Variants in BIRC2 observed in about 807,000 individuals in gnomAD.
BIRC2 encodes the protein baculoviral IAP repeat containing 2, also known as baculoviral IAP repeat-containing protein 2.
Under a neutral mutation model 60.9 loss-of-function variants are expected in BIRC2, and 18 were observed. That is an observed-to-expected ratio of 0.30 (90% CI 0.20 to 0.44). The LOEUF (loss-of-function observed/expected upper bound fraction) is 0.44. BIRC2 is among the 20% of genes least tolerant of loss of function. BIRC2 has a pLI of 1.00. For synonymous variants in BIRC2, 282 were observed against 247.7 expected, an observed-to-expected ratio of 1.14 and a Z score of -1.30; for missense variants, 701 against 728.5, an observed-to-expected ratio of 0.96 and a Z score of 0.43.
intron 5 of BIRC2, 120 bp from the exon 6 acceptor site, chr11:102,368,186 A>G (rs1372562988): frequency 2.6e-6 from 3 of 1,161,924 alleles, no homozygotes; most frequent in Non-Finnish European, 3.6e-6. Context: ...ATCGATGCAT[A>G]TAGCTCATCT....
chr11:102,352,690 G>C (rs1342539119), intron 3 of BIRC2, among the ~76,000 whole-genome samples: 3 of 150,924 alleles, frequency 2.0e-5, no homozygotes, highest in South Asian at 4.2e-4. Context: ...CTTTGCCTCC[G>C]AAAGTGCTGG....
chr11:102,355,649 T>TA (rs998078298), intron 3 of BIRC2, among the ~76,000 whole-genome samples: 3 of 152,188 alleles, frequency 2.0e-5, no homozygotes, highest in East Asian at 1.9e-4. Flanking sequence ...ATTTCTGTGA[T>TA]AAAAAAGTCA....
At position 102,377,660 on chromosome 11, in the gene BIRC2, G is replaced by A. The variant is rs1218978266; in HGVS notation, c.1531G>A (p.Asp511Asn). 2 of 1,611,146 alleles carry A rather than the reference G, an allele frequency of 1.2e-6. No homozygotes were observed. Among genetic ancestry groups the A allele is most frequent in the Non-Finnish European group, 8.5e-7 (1 of 1,179,260 alleles). ...ACCTTTACAAGCGAGAGAACTGATT[G>A]ATACCATTTTGGTTAAAGGAAATGC... is the stretch of plus-strand genomic sequence containing the variant. ...QIPLQARELI[D>N]TILVKGNAAA... The change falls in exon 7 of 9, where the codon GAT becomes AAT. Residue 511 changes from aspartate (D) to asparagine (N), a missense_variant. Physicochemically the swap from Asp to Asn is conservative, Grantham distance 23. This residue lies in a region of BIRC2 where 235 missense variants were observed against 208.9 expected (regional missense o/e 1.12). Coordinates refer to ENST00000227758, the MANE Select transcript of BIRC2 (RefSeq NM_001166.5).
In BIRC2 at chr11:102,368,382, G is replaced by A. The variant is rs764631560; in HGVS notation, c.1200G>A (p.Leu400=). 1 of 1,613,934 alleles carries A rather than the reference G, an allele frequency of 6.2e-7. No individual in the cohort carries two copies. Among genetic ancestry groups the A allele is most frequent in the Non-Finnish European group, 8.5e-7 (1 of 1,179,964 alleles). Residue 400 remains leucine, a synonymous_variant, in exon 6 of 9, where the codon TTG becomes TTA. Coordinates refer to ENST00000227758, the MANE Select transcript of BIRC2 (RefSeq NM_001166.5). The stretch of plus-strand genomic sequence containing the variant: ...ATACACCTGTGGTTAAATCTGCCTT[G>A]GAAATGGGCTTTAATAGAGACCTGG... ...MMNTPVVKSA[L]EMGFNRDLVK...
chr11:102,365,013 C>A (rs1174688856), intron 5 of BIRC2, among the ~76,000 whole-genome samples: 1 of 152,188 alleles, frequency 6.6e-6, no homozygotes, highest in Non-Finnish European at 1.5e-5. Flanking sequence ...TTCTAACACT[C>A]TCTTCCCACC....
chr11:102,352,339 C>A (rs1419617638), intron 3 of BIRC2, among the ~76,000 whole-genome samples: 2 of 152,100 alleles, frequency 1.3e-5, no homozygotes, highest in African/African-American at 4.8e-5. Flanking sequence ...TGGTCTCGAT[C>A]TCCTGACCTC....
At chr11:102,361,307 A>G (rs1444824683) in intron 3 of BIRC2, among the ~76,000 whole-genome samples, 1 of 152,136 alleles carries the variant, frequency 6.6e-6, no homozygotes, top group Admixed American at 6.5e-5. Flanking sequence ...TGCGGAGTGC[A>G]GGTGTGCAGA....
intron 6 of BIRC2, among the ~76,000 whole-genome samples, chr11:102,376,333 A>C (rs1951713952): frequency 6.6e-6 from 1 of 152,214 alleles, no homozygotes; most frequent in South Asian, 2.1e-4. Context: ...TGACATGGAG[A>C]TCTTGAAAAG....
intron 6 of BIRC2, among the ~76,000 whole-genome samples, chr11:102,372,307 A>G (rs1257480731): frequency 1.3e-5 from 2 of 152,036 alleles, no homozygotes; most frequent in Non-Finnish European, 2.9e-5. Context: ...AGGGCATTTA[A>G]TGCTATAAAT....
intron 6 of BIRC2, 95 bp from the exon 7 acceptor site, chr11:102,377,401 C>A: frequency 1.8e-6 from 2 of 1,102,284 alleles, no homozygotes; most frequent in Non-Finnish European, 2.5e-6. Context: ...TTATTTAGTG[C>A]CTAAATTGTT....
At chr11:102,352,568 G>T (rs893222336) in intron 3 of BIRC2, among the ~76,000 whole-genome samples, 1 of 152,104 alleles carries the variant, frequency 6.6e-6, no homozygotes, top group Non-Finnish European at 1.5e-5. Flanking sequence ...CTGCCACCAT[G>T]CCTGGTTAAT....
chr11:102,351,325 C>T (rs1461165861), intron 3 of BIRC2, among the ~76,000 whole-genome samples: 1 of 152,114 alleles, frequency 6.6e-6, no homozygotes, highest in African/African-American at 2.4e-5. Context: ...GTATTAAGAG[C>T]ATATCTTAGA....
intron 6 of BIRC2, among the ~76,000 whole-genome samples, chr11:102,376,520 T>C (rs1005419051): frequency 1.3e-5 from 2 of 152,216 alleles, no homozygotes; most frequent in African/African-American, 2.4e-5. Flanking sequence ...ACTGGTACTT[T>C]GTAGAGATGT....
chr11:102,359,042 C>T (rs1951455207), intron 3 of BIRC2, among the ~76,000 whole-genome samples: 1 of 152,168 alleles, frequency 6.6e-6, no homozygotes, highest in African/African-American at 2.4e-5. Flanking sequence ...TTCTTCCTCT[C>T]TTGCTGTCTT....
chr11:102,364,170 T>TATATATATATATATATAC (rs1951522203), intron 5 of BIRC2, among the ~76,000 whole-genome samples: 1 of 88,686 alleles, frequency 1.1e-5, no homozygotes, highest in Non-Finnish European at 2.2e-5. Flanking sequence ...TATATATATA[T>TATATATATATATATATAC]ATATACACAC....
In BIRC2 at chr11:102,350,719, C is replaced by G. The variant is rs1430965097; in HGVS notation, c.865C>G (p.Gln289Glu). The change falls in exon 2 of 9, where the codon CAG becomes GAG. Residue 289 changes from glutamine (Q) to glutamate (E), a missense_variant. This residue lies in a region of BIRC2 where 375 missense variants were observed against 365.9 expected (regional missense o/e 1.02). Transcript: ENST00000227758. ...WPSSVPVQPE[Q>E]LASAGFYYVG... Reference sequence around the variant, plus strand: ...ATCTAGTGTTCCAGTTCAGCCTGAGCAGCTTGCAAGTGCTGGTTTTTATTA... The same window carrying G: ...ATCTAGTGTTCCAGTTCAGCCTGAGGAGCTTGCAAGTGCTGGTTTTTATTA... The G allele has an allele frequency of 3.1e-6, 5 of 1,608,334 alleles. No individual in the cohort carries two copies. The South Asian group carries it at 4.4e-5, about 14-fold the overall frequency.
At chr11:102,361,091 C>G (rs1044299095) in intron 3 of BIRC2, among the ~76,000 whole-genome samples, 1 of 152,118 alleles carries the variant, frequency 6.6e-6, no homozygotes, top group African/African-American at 2.4e-5. Flanking sequence ...CAGGTTCTGG[C>G]TTTGGGCTTG....
intron 6 of BIRC2, among the ~76,000 whole-genome samples, chr11:102,372,732 C>G (rs1161442718): frequency 2.3e-5 from 3 of 132,128 alleles, no homozygotes; most frequent in South Asian, 2.9e-4. Flanking sequence ...TGTTGACTTT[C>G]TGTCTCGTTG....
At position 102,368,225 on chromosome 11, in the gene BIRC2, G is replaced by A. The variant is rs566841711; in HGVS notation, c.1124-81G>A. The A allele has an allele frequency of 6.2e-6, 9 of 1,458,808 alleles. No individual in the cohort carries two copies. In the East Asian group the frequency reaches 9.1e-5, roughly 15 times the overall value. 90.4% of individuals were successfully genotyped at this position (1,458,808 alleles called of 1,614,324 possible). A position where few individuals can be genotyped will look rare whatever the true frequency, so the allele number is the denominator to read the frequency against. ...TTACCAGAATATGAGAGTAAAGGAT[G>A]AATAAAGATTGTGCCATGATACTTT... On this transcript the variant is annotated intron_variant, in intron 5 of 8. Coordinates refer to ENST00000227758, the MANE Select transcript of BIRC2 (RefSeq NM_001166.5).
Sources: allele counts gnomAD v4.1 joint callset (sites outside exome capture counted in the v4.1 genomes callset), GRCh38; gene constraint gnomAD v4.1.1; regional missense constraint gnomAD v4.1.1; transcripts MANE v1.5; gene names NCBI Gene and HGNC (gene_info 2026-07-23, HGNC 2026-07-21).